RARB: variants seen among roughly 807,000 people sequenced by gnomAD.
RARB encodes the protein retinoic acid receptor beta, also known as HBV-activated protein.
Under a neutral mutation model 51.9 loss-of-function variants are expected in RARB, and 17 were observed. That is an observed-to-expected ratio of 0.33 (90% CI 0.22 to 0.49). RARB has a LOEUF of 0.49. Among genes scored for constraint, RARB ranks in the 20% least tolerant of loss-of-function variants. RARB has a pLI of 0.99. For synonymous variants in RARB, 215 were observed against 195.4 expected (o/e 1.10, Z -0.84); for missense variants, 369 against 550.8 (o/e 0.67, Z 3.30).
At chr3:25,038,763 G>T (rs1446592681) in intron 2 of RARB, among the ~76,000 whole-genome samples, 1 of 152,090 alleles carries the variant, frequency 6.6e-6, no homozygotes. Flanking sequence ...AATAGAAAAA[G>T]CATGAAGAGT....
intron 5 of RARB, among the ~76,000 whole-genome samples, chr3:25,366,178 G>A (rs544790215): frequency 6.6e-6 from 1 of 152,302 alleles, no homozygotes; most frequent in African/African-American, 2.4e-5. Context: ...TTACAGCCTT[G>A]TAATATGGGT....
At chr3:25,299,995 A>C (rs991376732) in intron 5 of RARB, among the ~76,000 whole-genome samples, 2 of 152,144 alleles carry the variant, frequency 1.3e-5, no homozygotes, top group African/African-American at 4.8e-5. Flanking sequence ...TGTTAAATTG[A>C]TTTTTTTAAT....
Position 25,213,551 on chromosome 3 carries a change from C to T in RARB, c.178+38976C>T, listed in dbSNP as rs184576598. The stretch of plus-strand genomic sequence containing the variant: ...CCTTGTACATGTCTTTTGGTGACCA[C>T]GTGCACATTACCAGAGTATCTACCT... On this transcript the variant is annotated intron_variant, in intron 5 of 11. Coordinates refer to the RARB transcript ENST00000383772. 4.7e-4 allele frequency among the ~76,000 whole-genome samples: 71 copies of T among 152,284 alleles called. 1 individual carries two copies. Among genetic ancestry groups the T allele is most frequent in the African/African-American group, 1.1e-3 (46 of 41,550 alleles).
At chr3:24,872,534 G>A (rs1018715431) in intron 2 of RARB, among the ~76,000 whole-genome samples, 1 of 152,180 alleles carries the variant, frequency 6.6e-6, no homozygotes, top group East Asian at 1.9e-4. Context: ...ACCTCAGGAA[G>A]CTTCCAACCA....
At chr3:25,214,569 G>A (rs916741483) in intron 5 of RARB, among the ~76,000 whole-genome samples, 1 of 152,174 alleles carries the variant, frequency 6.6e-6, no homozygotes, top group African/African-American at 2.4e-5. Context: ...AAATGGGACT[G>A]CAGAAGAAAT....
intron 5 of RARB, among the ~76,000 whole-genome samples, chr3:25,411,079 C>T (rs1479126160): frequency 6.6e-6 from 1 of 152,152 alleles, no homozygotes; most frequent in Non-Finnish European, 1.5e-5. Flanking sequence ...TATCCTATAC[C>T]TTTCTGAAAT....
chr3:25,088,570 C>G (rs889378293), intron 3 of RARB, among the ~76,000 whole-genome samples: 2 of 152,040 alleles, frequency 1.3e-5, no homozygotes, highest in African/African-American at 2.4e-5. Context: ...TCCATATACC[C>G]AATGGGAGGC....
intron 3 of RARB, among the ~76,000 whole-genome samples, chr3:25,111,781 G>T (rs918460661): frequency 4.6e-5 from 7 of 151,894 alleles, no homozygotes; most frequent in Non-Finnish European, 1.0e-4. Context: ...GTTTCACTAT[G>T]TTGGCCAGGC....
intron 2 of RARB, among the ~76,000 whole-genome samples, chr3:24,933,770 T>C (rs1695490418): frequency 6.6e-6 from 1 of 152,152 alleles, no homozygotes; most frequent in African/African-American, 2.4e-5. Flanking sequence ...AGACTTTTTT[T>C]GTGATCACTT....
At position 25,350,362 on chromosome 3, in the gene RARB, G is replaced by A. The variant is rs559225810; in HGVS notation, c.179-110831G>A. Reference sequence around the variant, plus strand: ...GCCAGCTCAGCATAAACAGAGGCAGGTTGTTAATCTCAGGATGAACAATAG... The same window carrying A: ...GCCAGCTCAGCATAAACAGAGGCAGATTGTTAATCTCAGGATGAACAATAG... On this transcript the variant is annotated intron_variant, in intron 5 of 11. Coordinates refer to the RARB transcript ENST00000383772. Among the ~76,000 whole-genome samples, 7 of 152,298 alleles carry A rather than the reference G, an allele frequency of 4.6e-5. No homozygotes were observed. In the South Asian group the frequency reaches 1.5e-3, roughly 32 times the overall value.
intron 1 of RARB, among the ~76,000 whole-genome samples, chr3:24,855,687 C>T (rs1008552171): frequency 7.9e-5 from 12 of 151,054 alleles, no homozygotes; most frequent in African/African-American, 1.7e-4. Context: ...AGAAAAATCA[C>T]GACCTACCAC....
chr3:25,151,119 C>T (rs1019620214), intron 4 of RARB, among the ~76,000 whole-genome samples: 7 of 152,166 alleles, frequency 4.6e-5, no homozygotes, highest in East Asian at 1.9e-4. Context: ...CTGGTCACAC[C>T]GCCCATTTTG....
intron 2 of RARB, among the ~76,000 whole-genome samples, chr3:24,863,632 C>A (rs561802205): frequency 6.6e-6 from 1 of 151,358 alleles, no homozygotes; most frequent in Admixed American, 6.6e-5. Flanking sequence ...GTTCATAAAT[C>A]CAATTTAATT....
intron 5 of RARB, among the ~76,000 whole-genome samples, chr3:25,228,738 C>A (rs1468815002): frequency 2.0e-5 from 3 of 151,936 alleles, no homozygotes; most frequent in African/African-American, 4.8e-5. Context: ...TGTGTGCTAA[C>A]CCTAGTTTAA....
chr3:25,175,097 G>A (rs531095465), intron 5 of RARB, among the ~76,000 whole-genome samples: 21 of 152,186 alleles, frequency 1.4e-4, no homozygotes, highest in African/African-American at 4.8e-4. Flanking sequence ...GGCACCTTTT[G>A]TTTCTGTACT....
chr3:25,340,777 G>T (rs1401460046), intron 5 of RARB, among the ~76,000 whole-genome samples: 1 of 152,140 alleles, frequency 6.6e-6, no homozygotes, highest in African/African-American at 2.4e-5. Flanking sequence ...GGAATTTTAG[G>T]GAGGATCTCG....
chr3:25,556,675 A>G (rs979529760), intron 3 of RARB, among the ~76,000 whole-genome samples: 3 of 152,200 alleles, frequency 2.0e-5, no homozygotes, highest in African/African-American at 7.2e-5. Context: ...AAATCATGCC[A>G]TTGACCACAT....
intron 2 of RARB, among the ~76,000 whole-genome samples, chr3:25,049,964 G>A (rs746551550): frequency 6.6e-6 from 1 of 152,162 alleles, no homozygotes; most frequent in African/African-American, 2.4e-5. Context: ...GTGATGTGGT[G>A]AGCACTATTA....
intron 5 of RARB, among the ~76,000 whole-genome samples, chr3:25,183,227 C>T (rs321523): frequency 0.96 from 146,304 of 152,304 alleles, 70,300 homozygotes; most frequent in African/African-American, 0.98. Flanking sequence ...TTTCCTACTT[C>T]ATGTGGCTTC....
Sources: gnomAD v4.1 joint callset for allele counts (sites outside exome capture counted in the v4.1 genomes callset) on GRCh38, gnomAD v4.1.1 for gene constraint, MANE v1.5 for transcripts, NCBI Gene and HGNC (gene_info 2026-07-23, HGNC 2026-07-21) for gene names.